The following POLR2J2 variants were observed in gnomAD, a reference collection of about 807,000 sequenced individuals.
POLR2J2 encodes the protein DNA-directed RNA polymerase II subunit RPB11-b1.
In POLR2J2, 3 loss-of-function variants were observed where a neutral mutation model predicts 2.8. That is an observed-to-expected ratio of 1.05 (90% confidence interval 0.48 to 2.72). POLR2J2 has a LOEUF of 2.72. Ranked by LOEUF, POLR2J2 falls within the 30% of genes most tolerant of loss-of-function variation. POLR2J2 has a pLI of 0.04. For synonymous variants in POLR2J2, 4 were observed against 10.9 expected, an observed-to-expected ratio of 0.37 and a Z score of 1.25; for missense variants, 9 against 27.8, an observed-to-expected ratio of 0.32 and a Z score of 1.52.
intron 1 of POLR2J2, 174 bp downstream of exon 1, chr7:102,671,378 T>G: frequency 2.0e-6 from 1 of 498,454 alleles, no homozygotes; most frequent in Non-Finnish European, 2.5e-6. Flanking sequence ...ATCTGCAACA[T>G]GGACACACTC....
At chr7:102,667,669 G>A (rs1210477946) in intron 2 of POLR2J2, among the ~76,000 whole-genome samples, 3 of 152,194 alleles carry the variant, frequency 2.0e-5, no homozygotes, top group East Asian at 1.9e-4. Flanking sequence ...TGAGTGGAAT[G>A]CAAATGGAAC....
chr7:102,671,416 T>C, intron 1 of POLR2J2, 136 bp downstream of exon 1: 1 of 774,832 alleles, frequency 1.3e-6, no homozygotes, highest in Non-Finnish European at 1.9e-6. Context: ...CGGCCTTAAA[T>C]TTGGCTGACA....
At chr7:102,667,830 A>G (rs1451863656) in intron 2 of POLR2J2, among the ~76,000 whole-genome samples, 2 of 152,210 alleles carry the variant, frequency 1.3e-5, no homozygotes, top group Non-Finnish European at 2.9e-5. Flanking sequence ...GGACCCGTGC[A>G]TAGGTGGCAA....
At chr7:102,667,756 C>A (rs1792046167) in intron 2 of POLR2J2, among the ~76,000 whole-genome samples, 1 of 152,302 alleles carries the variant, frequency 6.6e-6, no homozygotes, top group Non-Finnish European at 1.5e-5. Flanking sequence ...GCGTCGCGTA[C>A]TGTGCCCTGG....
At chr7:102,667,391 CA>C (rs1792037756) in intron 2 of POLR2J2, 127 bp from the exon 3 acceptor site, 1 of 115,068 alleles carries the variant, frequency 8.7e-6, no homozygotes, top group Non-Finnish European at 1.9e-5. Context: ...AAAAAGTCTT[CA>C]AGGAAAGTAA....
chr7:102,669,214 GAA>G (rs1258222059), intron 1 of POLR2J2, among the ~76,000 whole-genome samples: 1 of 4,990 alleles, frequency 2.0e-4, no homozygotes, highest in African/African-American at 3.9e-4. Context: ...AAAATACAAA[GAA>G]AAAAAAAAAA....
chr7:102,667,974 G>A (rs1584234703), intron 2 of POLR2J2, among the ~76,000 whole-genome samples: 1 of 150,530 alleles, frequency 6.6e-6, no homozygotes, highest in Non-Finnish European at 1.5e-5. Flanking sequence ...ACTCACAGAC[G>A]GGGAAAAGCC....
At chr7:102,668,314 C>CTGTGCTGGAATCTGCTGCTCGTTCATTTA in intron 2 of POLR2J2, among the ~76,000 whole-genome samples, 1 of 33,964 alleles carries the variant, frequency 2.9e-5, no homozygotes, top group Admixed American at 3.9e-4. Context: ...AACAGGCCTA[C>CTGTGCTGGAATCTGCTGCTCGTTCATTTA]TGTGCTGGAA....
chr7:102,667,821 G>A, intron 2 of POLR2J2, among the ~76,000 whole-genome samples: 1 of 152,260 alleles, frequency 6.6e-6, no homozygotes, highest in African/African-American at 2.4e-5. Context: ...CCACAAGGGG[G>A]ACCCGTGCAT....
chr7:102,669,714 C>A (rs1184289904), intron 1 of POLR2J2, among the ~76,000 whole-genome samples: 1 of 71,430 alleles, frequency 1.4e-5, no homozygotes, highest in African/African-American at 3.6e-5. Flanking sequence ...ACCACAGGCG[C>A]ACGTCATCAT....
chr7:102,667,811 C>A (rs1177571771), intron 2 of POLR2J2, among the ~76,000 whole-genome samples: 2 of 152,228 alleles, frequency 1.3e-5, no homozygotes, highest in Non-Finnish European at 2.9e-5. Flanking sequence ...GGCGTGAGCA[C>A]CACAAGGGGG....
chr7:102,666,344 A>G, exon 3 of POLR2J2: 1 of 139,618 alleles, frequency 7.2e-6, no homozygotes, highest in Non-Finnish European at 1.5e-5. Context: ...ACAATTTGAC[A>G]TGAGATTTGG....
At chr7:102,667,719 G>A (rs1366066323) in intron 2 of POLR2J2, among the ~76,000 whole-genome samples, 1,452 of 151,432 alleles carry the variant, frequency 9.6e-3, no homozygotes, top group African/African-American at 0.034. Context: ...GGCTGGCCAC[G>A]CACACTGGGC....
intron 2 of POLR2J2, among the ~76,000 whole-genome samples, chr7:102,667,751 G>A (rs1268633414): frequency 3.9e-5 from 6 of 152,210 alleles, no homozygotes; most frequent in Admixed American, 2.0e-4. Flanking sequence ...GGGCTGCGTC[G>A]CGTACTGTGC....
intron 2 of POLR2J2, among the ~76,000 whole-genome samples, chr7:102,667,688 C>T (rs1180820415): frequency 6.6e-6 from 1 of 152,264 alleles, no homozygotes; most frequent in African/African-American, 2.4e-5. Flanking sequence ...ACTCTGCCCT[C>T]CGAGCAGCAC....
intron 2 of POLR2J2, among the ~76,000 whole-genome samples, chr7:102,668,094 C>A (rs1473168830): frequency 7.2e-6 from 1 of 138,614 alleles, no homozygotes; most frequent in South Asian, 2.5e-4. Context: ...TAGGACCTCA[C>A]TGGTATAAAC....
chr7:102,671,476 G>C lies in POLR2J2; in HGVS notation c.50+76C>G, dbSNP rs560250522. 1,446 of 908,030 alleles carry C rather than the reference G, an allele frequency of 1.6e-3. 409 individuals are homozygous for C. The highest frequency in any genetic ancestry group is 2.0e-3 in the Non-Finnish European group (1,258 of 642,478). The allele number at this position is 908,030 out of a possible 1,614,324, so 56.2% of individuals were successfully genotyped here. A position where few individuals can be genotyped will look rare whatever the true frequency, so the allele number is the denominator to read the frequency against. ...AAGCTGTTTCCCTCCCGGGGCAAGA[G>C]ATGGGCAGGAGACACCCCAGAATGC... On this transcript the variant is annotated intron_variant, in intron 1 of 2. Transcript: ENST00000358438.
intron 2 of POLR2J2, among the ~76,000 whole-genome samples, chr7:102,667,653 C>T (rs1358720043): frequency 1.3e-5 from 2 of 151,294 alleles, no homozygotes; most frequent in Non-Finnish European, 3.0e-5. Context: ...GGCCAGCTCC[C>T]GGCAGTGAGT....
chr7:102,667,971 G>A (rs1352313499), intron 2 of POLR2J2, among the ~76,000 whole-genome samples: 1 of 150,544 alleles, frequency 6.6e-6, no homozygotes, highest in Admixed American at 6.6e-5. Context: ...CCCACTCACA[G>A]ACGGGGAAAA....
Sources: gnomAD v4.1 joint callset for allele counts (sites outside exome capture counted in the v4.1 genomes callset) on GRCh38, gnomAD v4.1.1 for gene constraint, MANE v1.5 for transcripts, NCBI Gene and HGNC (gene_info 2026-07-23, HGNC 2026-07-21) for gene names.